TTC7B: variants seen among roughly 807,000 people sequenced by gnomAD.
TTC7B encodes tetratricopeptide repeat domain 7B, also known as tetratricopeptide repeat protein 7B.
In TTC7B, 28 loss-of-function variants were observed where a neutral mutation model predicts 106.8. The ratio of observed to expected loss-of-function variants is 0.26; its 90% CI spans 0.19 to 0.36. TTC7B has a LOEUF of 0.36. Ranked by LOEUF, TTC7B falls within the 10% of genes least tolerant of loss-of-function variation. TTC7B has a pLI of 1.00. For synonymous variants in TTC7B, 405 were observed against 430.6 expected, an observed-to-expected ratio of 0.94 and a Z score of 0.74; for missense variants, 862 against 1,076.4, an observed-to-expected ratio of 0.80 and a Z score of 2.79.
At chr14:90,784,904 C>G (rs926696411) in intron 2 of TTC7B, among the ~76,000 whole-genome samples, 1 of 152,172 alleles carries the variant, frequency 6.6e-6, no homozygotes. Context: ...GAAAGCAGCT[C>G]TCTATCAGGG....
chr14:90,546,579 T>C lies in TTC7B; in HGVS notation c.2311-4990A>G, dbSNP rs371807801. On this transcript the variant is annotated intron_variant, in intron 19 of 19. Transcript: ENST00000328459. ...CTTGTCCATCTGCCTGAGGCCATAA[T>C]GCACCCCATCCCTGCAGAGCCAAGC... Among the ~76,000 whole-genome samples the C allele has an allele frequency of 9.8e-5, 15 of 152,312 alleles. No individual in the cohort carries two copies. The East Asian group carries it at 1.5e-3, about 16-fold the overall frequency.
intron 4 of TTC7B, among the ~76,000 whole-genome samples, chr14:90,744,061 C>T (rs75000064): frequency 0.042 from 6,322 of 152,332 alleles, 174 homozygotes; most frequent in Non-Finnish European, 0.057. Context: ...GTACTCAGCT[C>T]GGTCTACTTC....
chr14:90,541,678 C>T, intron 19 of TTC7B, 89 bp from the exon 20 acceptor site: 2 of 1,085,024 alleles, frequency 1.8e-6, no homozygotes, highest in South Asian at 2.1e-5. Context: ...CCAGTCAGTT[C>T]CTCGGAGCCG....
Position 90,593,562 on chromosome 14 carries a change from C to A in TTC7B, c.2031G>T (p.Ser677=), listed in dbSNP as rs200803822. The change falls in exon 18 of 20, where the codon TCG becomes TCT. Residue 677 remains serine, a synonymous_variant. Coordinates refer to ENST00000328459, the MANE Select transcript of TTC7B (RefSeq NM_001010854.2). ...RVEQALSEVA[S]SLQSSAPKQG... is the part of the protein sequence containing the mutation. ...GCTTAGGGGCACTGCTCTGCAGAGA[C>A]GAAGCCACTTCCGACAGTGCCTGCT... 2.5e-6 allele frequency: 4 copies of A among 1,612,564 alleles called. No individual in the cohort carries two copies. Among genetic ancestry groups the A allele is most frequent in the Non-Finnish European group, 2.5e-6 (3 of 1,179,148 alleles).
chr14:90,665,290 G>A (rs1389507725), intron 9 of TTC7B, among the ~76,000 whole-genome samples: 1 of 152,150 alleles, frequency 6.6e-6, no homozygotes, highest in Non-Finnish European at 1.5e-5. Context: ...ATGAATATTT[G>A]GTAGAACAAT....
intron 9 of TTC7B, among the ~76,000 whole-genome samples, chr14:90,665,970 T>G (rs1886394366): frequency 6.6e-6 from 1 of 152,220 alleles, no homozygotes; most frequent in Non-Finnish European, 1.5e-5. Context: ...GGCCATCACC[T>G]TATACCCACA....
intron 19 of TTC7B, among the ~76,000 whole-genome samples, chr14:90,574,528 G>A (rs1336631022): frequency 6.6e-6 from 1 of 152,180 alleles, no homozygotes; most frequent in Non-Finnish European, 1.5e-5. Flanking sequence ...TTAGAAGATC[G>A]TCCGTTTCCT....
rs942762887 is a variant in TTC7B, at chr14:90,742,932, G to A, written c.576+1860C>T. Among the ~76,000 whole-genome samples, 1 of 152,208 alleles carries A rather than the reference G, an allele frequency of 6.6e-6. No individual in the cohort carries two copies. The highest frequency in any genetic ancestry group is 1.5e-5 in the Non-Finnish European group (1 of 68,044). ...AGGGCTGGACAACAGTGGAGAGTAA[G>A]CAGCAAGATAGGGCCCTAAGTGGCC... On this transcript the variant is annotated intron_variant, in intron 4 of 19. Transcript: ENST00000328459. This position sits in a 1 kb window ranked among gnomAD's most constrained non-coding sequence, Gnocchi z 4.1.
At chr14:90,606,006 C>A (rs1267594923) in intron 17 of TTC7B, among the ~76,000 whole-genome samples, 1 of 152,134 alleles carries the variant, frequency 6.6e-6, no homozygotes. Flanking sequence ...CAAGATTTAC[C>A]TGGGCACAGA....
chr14:90,591,343 C>T (rs887493379), intron 18 of TTC7B, among the ~76,000 whole-genome samples: 13 of 151,980 alleles, frequency 8.6e-5, no homozygotes, highest in African/African-American at 1.9e-4. Flanking sequence ...TCCAACCCCC[C>T]GAAAAAATAA....
chr14:90,667,523 C>T (rs1886459341), intron 9 of TTC7B, among the ~76,000 whole-genome samples: 9 of 152,150 alleles, frequency 5.9e-5, no homozygotes, highest in Admixed American at 3.3e-4. Flanking sequence ...CCCCTACCCC[C>T]GCAAACAACC....
Position 90,816,273 on chromosome 14 carries a change from G to A in TTC7B, c.23C>T (p.Ser8Leu), listed in dbSNP as rs2031185191. ...GCGCTCGATCTCCGTCTCCAGCCGC[G>A]AGCCTGCCTTCTTGGTCGCCATCGC... MATKKAG[S>L]RLETEIERCR... The change falls in exon 1 of 20, where the codon TCG (serine) becomes TTG (leucine). Residue 8 changes from serine to leucine, a missense_variant. Coordinates refer to ENST00000328459, the MANE Select transcript of TTC7B (RefSeq NM_001010854.2). 1 of 1,233,702 alleles carries A rather than the reference G, an allele frequency of 8.1e-7. No homozygotes were observed. Among genetic ancestry groups the A allele is most frequent in the Non-Finnish European group, 1.0e-6 (1 of 956,818 alleles). 76.4% of individuals were successfully genotyped at this position (1,233,702 alleles called of 1,614,324 possible).
chr14:90,556,623 C>G (rs11847595), intron 19 of TTC7B, among the ~76,000 whole-genome samples: 53,990 of 152,140 alleles, frequency 0.35, 10,141 homozygotes, highest in Admixed American at 0.44. Context: ...AGCCTGGAAG[C>G]TGGCACTCCC....
intron 4 of TTC7B, among the ~76,000 whole-genome samples, chr14:90,731,213 A>G (rs1431512137): frequency 1.3e-5 from 2 of 152,092 alleles, no homozygotes; most frequent in African/African-American, 2.4e-5. Flanking sequence ...GGCCTCCCAA[A>G]GTGCTGGGAT....
At position 90,586,320 on chromosome 14, in the gene TTC7B, G is replaced by A. The variant is rs1378985907; in HGVS notation, c.2107+7166C>T. ...AGTTTCGCTCTTGTTGCTCAGGCTGGAGTGCAGTGGTGCGATCTCGGCTCA... is the reference window on the plus strand; with the variant it reads ...AGTTTCGCTCTTGTTGCTCAGGCTGAAGTGCAGTGGTGCGATCTCGGCTCA... On this transcript the variant is annotated intron_variant, in intron 18 of 19. Coordinates refer to ENST00000328459, the MANE Select transcript of TTC7B (RefSeq NM_001010854.2). Among the ~76,000 whole-genome samples the A allele has an allele frequency of 2.0e-5, 3 of 152,272 alleles. No individual in the cohort carries two copies. In the East Asian group the frequency reaches 5.8e-4, roughly 29 times the overall value.
At chr14:90,801,099 C>T (rs1467253926) in intron 1 of TTC7B, among the ~76,000 whole-genome samples, 1 of 151,346 alleles carries the variant, frequency 6.6e-6, no homozygotes, top group East Asian at 1.9e-4. Flanking sequence ...GTGGTGGACG[C>T]CTGTAGTCCA....
intron 17 of TTC7B, among the ~76,000 whole-genome samples, chr14:90,599,261 T>G (rs1892334937): frequency 6.6e-6 from 1 of 152,224 alleles, no homozygotes; most frequent in Non-Finnish European, 1.5e-5. Flanking sequence ...AAATAGGATA[T>G]ATTATATTCC....
chr14:90,697,683 G>A (rs557409976), intron 5 of TTC7B: 1 of 152,292 alleles, frequency 6.6e-6, no homozygotes, highest in East Asian at 1.9e-4. Context: ...CTGGGCTGCC[G>A]AAAGAGATCA....
intron 7 of TTC7B, among the ~76,000 whole-genome samples, chr14:90,684,401 A>T (rs1887175429): frequency 6.6e-6 from 1 of 152,158 alleles, no homozygotes; most frequent in African/African-American, 2.4e-5. Flanking sequence ...AAACATGTAG[A>T]TGCAGGGGGA....
Sources: gnomAD v4.1 joint callset for allele counts (sites outside exome capture counted in the v4.1 genomes callset) on GRCh38, gnomAD v4.1.1 for gene constraint, Gnocchi (gnomAD v3.1) non-coding constraint, MANE v1.5 for transcripts, NCBI Gene and HGNC (gene_info 2026-07-23, HGNC 2026-07-21) for gene names.